ATP10A: variants seen among roughly 807,000 people sequenced by gnomAD.
ATP10A encodes the protein phospholipid-transporting ATPase VA.
A neutral mutation model predicts 147.8 loss-of-function variants in ATP10A; 111 were observed. That is an observed-to-expected ratio of 0.75 (90% CI 0.64 to 0.88). The LOEUF is 0.88. Ranked by LOEUF, ATP10A falls within the 40% of genes least tolerant of loss-of-function variation. The probability of loss-of-function intolerance (pLI) is 0.00; values close to 1 mark genes in which losing one functional copy is unlikely to be tolerated. For synonymous variants in ATP10A, 875 were observed against 841.6 expected (o/e 1.04, Z -0.69); for missense variants, 1,927 against 1,959.0 (o/e 0.98, Z 0.31).
chr15:25,799,776 T>C (rs1436870712), intron 1 of ATP10A, among the ~76,000 whole-genome samples: 1 of 152,104 alleles, frequency 6.6e-6, no homozygotes, highest in Non-Finnish European at 1.5e-5. Context: ...CCAAAGTACA[T>C]ATAGCTTCAG....
At chr15:25,794,906 A>G (rs1890597223) in intron 1 of ATP10A, among the ~76,000 whole-genome samples, 2 of 152,152 alleles carry the variant, frequency 1.3e-5, no homozygotes, top group African/African-American at 4.8e-5. Flanking sequence ...CATTCCCATT[A>G]TCAGGATGAA....
chr15:25,675,810 G>A (rs1400471212), downstream of ATP10A, among the ~76,000 whole-genome samples: 2 of 152,184 alleles, frequency 1.3e-5, no homozygotes, highest in South Asian at 2.1e-4. Context: ...GCCGGGCATG[G>A]TGGCAGGTGC....
At chr15:25,818,214 T>G (rs1225204768) in intron 1 of ATP10A, among the ~76,000 whole-genome samples, 1 of 152,194 alleles carries the variant, frequency 6.6e-6, no homozygotes, top group African/African-American at 2.4e-5. Context: ...ACTAAAGTGA[T>G]CTCTAAGGAA....
chr15:25,807,503 T>C (rs1891243284), intron 1 of ATP10A, among the ~76,000 whole-genome samples: 2 of 152,170 alleles, frequency 1.3e-5, no homozygotes, highest in Non-Finnish European at 2.9e-5. Context: ...CAAATATTTT[T>C]AAAAGAAAAA....
rs142960034 is a variant in ATP10A at position 25,683,361 on chromosome 15, C to T, written c.3417G>A (p.Gly1139=). The T allele has an allele frequency of 7.3e-4, 1,174 of 1,614,058 alleles. 8 individuals carry two copies. In the African/African-American group the frequency reaches 0.014, roughly 19 times the overall value. ...TGGCTGGCACATCCCTGTCCAGCAC[C>T]CCAGTCACGAGCGGGGGAAGTGACG... ...LFSSLPPLVT[G]VLDRDVPANV... Residue 1139 remains glycine (G), a synonymous_variant, in exon 17 of 21, where the codon GGG becomes GGA. Transcript: ENST00000555815.
chr15:25,680,691 C>A lies in ATP10A; in HGVS notation c.3678+119G>T, dbSNP rs1899354716. On this transcript the variant is annotated intron_variant, in intron 19 of 20. Transcript: ENST00000555815. Reference sequence around the variant, plus strand: ...ATTGTCCTTCTCATCACACTGAGGTCAGCTTTGCAGTCTCCTGTCTACTCA... The same window carrying A: ...ATTGTCCTTCTCATCACACTGAGGTAAGCTTTGCAGTCTCCTGTCTACTCA... 8.6e-6 allele frequency: 8 copies of A among 930,398 alleles called. 1 individual carries two copies. In the South Asian group the frequency reaches 1.2e-4, roughly 13 times the overall value. 57.6% of individuals were successfully genotyped at this position (930,398 alleles called of 1,614,324 possible).
chr15:25,825,386 A>G (rs1399899266), intron 1 of ATP10A, among the ~76,000 whole-genome samples: 2 of 152,172 alleles, frequency 1.3e-5, no homozygotes, highest in African/African-American at 4.8e-5. Flanking sequence ...ACCCATGTGT[A>G]GGAATATAAA....
At chr15:25,673,561 C>T (rs73361120), downstream of ATP10A, among the ~76,000 whole-genome samples, 1,583 of 152,282 alleles carry the variant, frequency 0.01, 32 homozygotes, top group African/African-American at 0.037. Context: ...TGGGGGACGA[C>T]GTTGCCCTTC....
chr15:25,715,367 C>T (rs1188212392), intron 9 of ATP10A, among the ~76,000 whole-genome samples: 1 of 152,230 alleles, frequency 6.6e-6, no homozygotes, highest in African/African-American at 2.4e-5. Context: ...TAGAAATGCA[C>T]CCAGAGACAT....
At chr15:25,781,287 GGGCACGT>G in intron 1 of ATP10A, 64 bp from the exon 2 acceptor site, 1 of 1,342,414 alleles carries the variant, frequency 7.4e-7, no homozygotes, top group South Asian at 1.3e-5. Flanking sequence ...TCTGGGTGAT[GGGCACGT>G]GGGGCTCATA....
intron 4 of ATP10A, 99 bp downstream of exon 4, chr15:25,727,061 A>G: frequency 9.4e-7 from 1 of 1,058,822 alleles, no homozygotes; most frequent in Non-Finnish European, 1.4e-6. Context: ...GTCTCAAAAA[A>G]AAAAAATGAA....
intron 7 of ATP10A, 46 bp from the exon 8 acceptor site, chr15:25,718,445 GC>G: frequency 1.3e-6 from 2 of 1,538,304 alleles, no homozygotes; most frequent in South Asian, 1.2e-5. Context: ...GGAAGGCTGG[GC>G]GGAGCAGAAA....
chr15:25,723,223 C>T (rs1902351389), intron 6 of ATP10A, among the ~76,000 whole-genome samples: 2 of 151,964 alleles, frequency 1.3e-5, no homozygotes, highest in Non-Finnish European at 2.9e-5. Context: ...TGGCATGCAC[C>T]TGTAATCCCA....
chr15:25,716,916 A>T lies in ATP10A; in HGVS notation c.1590T>A (p.Asp530Glu), dbSNP rs767720873. 3 of 1,569,800 alleles carry T rather than the reference A, an allele frequency of 1.9e-6. No homozygotes were observed. The African/African-American group carries it at 4.1e-5, about 21-fold the overall frequency. Residue 530 changes from aspartate to glutamate, a missense_variant, in exon 9 of 21, where the codon GAT (aspartate) becomes GAA (glutamate). Asp to Glu is a conservative substitution (Grantham distance 45, BLOSUM62 2). Transcript: ENST00000555815. ...CCAGCAGCTTTGGGTCGGGCGTGAT[A>T]TCCTTCTCCTGGGAGAAAGGGAGGC... ...HTAFSSPMEKDITPDPKLLEK... is the reference protein window; with the variant it reads ...HTAFSSPMEKEITPDPKLLEK...
chr15:25,771,005 G>A (rs1596853938), intron 2 of ATP10A, among the ~76,000 whole-genome samples: 2 of 152,334 alleles, frequency 1.3e-5, no homozygotes, highest in African/African-American at 2.4e-5. Flanking sequence ...TCGTTCAGGG[G>A]AGGGTGTTAA....
chr15:25,811,563 G>A (rs1238208083), intron 1 of ATP10A, among the ~76,000 whole-genome samples: 16 of 152,132 alleles, frequency 1.1e-4, no homozygotes, highest in Admixed American at 1.0e-3. Context: ...TCTTGTTAGA[G>A]GAGTGCACAC....
chr15:25,803,656 G>A (rs1891036052), intron 1 of ATP10A, among the ~76,000 whole-genome samples: 1 of 152,132 alleles, frequency 6.6e-6, no homozygotes, highest in South Asian at 2.1e-4. Flanking sequence ...AGGATCCAAG[G>A]CCTGTGGTCA....
intron 1 of ATP10A, among the ~76,000 whole-genome samples, chr15:25,822,173 T>C (rs1891919416): frequency 2.0e-5 from 3 of 152,212 alleles, no homozygotes; most frequent in African/African-American, 7.2e-5. Flanking sequence ...AAAAGGTCTG[T>C]ATGTGTTCAG....
chr15:25,693,305 G>A (rs1246504940), intron 14 of ATP10A, among the ~76,000 whole-genome samples: 1 of 152,198 alleles, frequency 6.6e-6, no homozygotes, highest in Admixed American at 6.5e-5. Flanking sequence ...TGACTGGTGT[G>A]AACCACGTGC....
Sources: allele counts gnomAD v4.1 joint callset (sites outside exome capture counted in the v4.1 genomes callset), GRCh38; gene constraint gnomAD v4.1.1; transcripts MANE v1.5; gene names NCBI Gene and HGNC (gene_info 2026-07-23, HGNC 2026-07-21).